The following CLASRP variants were observed in gnomAD, a reference collection of about 807,000 sequenced individuals.
The protein encoded by CLASRP is CLK4-associating serine/arginine rich protein.
Under a neutral mutation model 99.9 loss-of-function variants are expected in CLASRP, and 52 were observed. The ratio of observed to expected loss-of-function variants is 0.52; its 90% CI spans 0.42 to 0.66. The LOEUF (loss-of-function observed/expected upper bound fraction) is 0.66. Among genes scored for constraint, CLASRP ranks in the 30% least tolerant of loss-of-function variants. The pLI is 0.00. For synonymous variants in CLASRP, 379 were observed against 373.0 expected, an observed-to-expected ratio of 1.02 and a Z score of -0.18; for missense variants, 848 against 999.2, an observed-to-expected ratio of 0.85 and a Z score of 2.04.
At chr19:45,065,086 G>C (rs1192623267) in intron 13 of CLASRP, among the ~76,000 whole-genome samples, 1 of 152,074 alleles carries the variant, frequency 6.6e-6, no homozygotes, top group African/African-American at 2.4e-5. Context: ...AGCGAAGCGG[G>C]TGGAAAAAAT....
At chr19:45,061,785 T>TATCATCATC (rs553847506) in intron 10 of CLASRP, among the ~76,000 whole-genome samples, 1 of 151,362 alleles carries the variant, frequency 6.6e-6, no homozygotes, top group Non-Finnish European at 1.5e-5. Flanking sequence ...ATTTTAATCT[T>TATCATCATC]ATCATCATCA....
In CLASRP at chr19:45,064,491, C is replaced by G. The variant is rs759007428; in HGVS notation, c.1270C>G (p.Arg424Gly). The change falls in exon 13 of 21, where the codon CGC becomes GGC. Residue 424 changes from arginine (R) to glycine (G), a missense_variant. Coordinates refer to ENST00000221455, the MANE Select transcript of CLASRP (RefSeq NM_007056.3). Reference protein sequence around the residue: ...HARSRSRSWSRSRSRSRRYSR... With the variant: ...HARSRSRSWSGSRSRSRRYSR... ...CCGCTCCCGGTCCCGCTCCTGGTCC[C>G]GCTCCCGCTCCCGCTCCCGGCGCTA... 3.3e-6 allele frequency: 5 copies of G among 1,531,732 alleles called. No homozygotes were observed. In the African/African-American group the frequency reaches 6.9e-5, roughly 21 times the overall value. The allele number at this position is 1,531,732 out of a possible 1,614,324, so 94.9% of individuals were successfully genotyped here.
Position 45,062,133 on chromosome 19 carries a change from AC to A in CLASRP, c.864-17del. ...GAGATCTTAAGCCCTAATTTGTCCC[AC>A]CCCATTCTTTTCTCTGTAGCTATGC... On this transcript the variant is annotated intron_variant, in intron 10 of 20. Coordinates refer to ENST00000221455, the MANE Select transcript of CLASRP (RefSeq NM_007056.3). The A allele has an allele frequency of 2.8e-6, 4 of 1,432,128 alleles. No homozygotes were observed. The highest frequency in any genetic ancestry group is 3.9e-6 in the Non-Finnish European group (4 of 1,015,784). The allele number at this position is 1,432,128 out of a possible 1,614,324, so 88.7% of individuals were successfully genotyped here.
Position 45,062,180 on chromosome 19 carries a change from A to G in CLASRP, c.890A>G (p.Tyr297Cys), listed in dbSNP as rs1200792233. Residue 297 changes from tyrosine to cysteine, a missense_variant, in exon 11 of 21, where the codon TAT becomes TGT. This residue lies in a region of CLASRP where 489 missense variants were observed against 434.7 expected (regional missense o/e 1.12). Coordinates refer to ENST00000221455, the MANE Select transcript of CLASRP (RefSeq NM_007056.3). ...PSYARRDSPT[Y>C]DPYKRSPSES... ...TATGCCCGCCGAGACAGCCCCACCTATGACCCCTATAAGCGGTAAGTTGCT... is the reference window on the plus strand; with the variant it reads ...TATGCCCGCCGAGACAGCCCCACCTGTGACCCCTATAAGCGGTAAGTTGCT... 6.5e-7 allele frequency: 1 copy of G among 1,547,704 alleles called. No individual in the cohort carries two copies. The highest frequency in any genetic ancestry group is 8.9e-7 in the Non-Finnish European group (1 of 1,119,722).
chr19:45,057,133 A>G (rs184671108), intron 6 of CLASRP, among the ~76,000 whole-genome samples: 7 of 152,252 alleles, frequency 4.6e-5, no homozygotes, highest in Admixed American at 4.6e-4. Context: ...TCCCGCCCTC[A>G]CACACGCTAT....
chr19:45,062,278 T>C, intron 11 of CLASRP, 83 bp downstream of exon 11: 1 of 858,080 alleles, frequency 1.2e-6, no homozygotes, highest in Non-Finnish European at 2.0e-6. Flanking sequence ...GATGGGAGGT[T>C]CACCCTGCTA....
chr19:45,070,568 A>G lies in CLASRP; in HGVS notation c.1982+7A>G. ...AATACAGCTCTTCTCGAAGGTAAGG[A>G]AGCCCATGACCCTCCACTTTCTTGG... On this transcript the variant is annotated splice_region_variant and intron_variant, in intron 20 of 20. Coordinates refer to ENST00000221455, the MANE Select transcript of CLASRP (RefSeq NM_007056.3). The G allele has an allele frequency of 6.2e-7, 1 of 1,612,992 alleles. No individual in the cohort carries two copies. Among genetic ancestry groups the G allele is most frequent in the Non-Finnish European group, 8.5e-7 (1 of 1,179,050 alleles).
rs1321255427 is a variant in CLASRP, at chr19:45,057,991, G to A, written c.613+93G>A. The stretch of plus-strand genomic sequence containing the variant: ...CCTCTGTGGGGCACCCCGTGCTTAC[G>A]AACCGTGTCTCTCTCCCTACCCCGC... On this transcript the variant is annotated intron_variant, in intron 7 of 20. Transcript: ENST00000221455. 20 of 1,514,964 alleles carry A rather than the reference G, an allele frequency of 1.3e-5. No individual in the cohort carries two copies. In the East Asian group the frequency reaches 1.4e-4, roughly 11 times the overall value. 93.8% of individuals were successfully genotyped at this position (1,514,964 alleles called of 1,614,324 possible).
intron 5 of CLASRP, 72 bp from the exon 6 acceptor site, chr19:45,056,369 CCCCACCGCA>C (rs1972118648): frequency 7.9e-7 from 1 of 1,260,990 alleles, no homozygotes; most frequent in Admixed American, 1.7e-5. Flanking sequence ...TGTCTTCCTG[CCCCACCGCA>C]CCCTTGTGTT....
chr19:45,041,356 A>C (rs1347540021), intron 2 of CLASRP, among the ~76,000 whole-genome samples: 1 of 152,174 alleles, frequency 6.6e-6, no homozygotes, highest in Non-Finnish European at 1.5e-5. Context: ...CTGGCCTAAA[A>C]GACCCTTGTG....
In CLASRP at chr19:45,060,002, G is replaced by A. The variant is rs1229419637; in HGVS notation, c.711-387G>A. On this transcript the variant is annotated intron_variant, in intron 8 of 20. Coordinates refer to ENST00000221455, the MANE Select transcript of CLASRP (RefSeq NM_007056.3). This position sits in a 1 kb window ranked among gnomAD's most constrained non-coding sequence, Gnocchi z 4.6. Reference sequence around the variant, plus strand: ...ACTCTGTCTGCTGTTCGCTTTGGACGTCTGCAGCTTGCTCCCCCAGGTTTT... The same window carrying A: ...ACTCTGTCTGCTGTTCGCTTTGGACATCTGCAGCTTGCTCCCCCAGGTTTT... Among the ~76,000 whole-genome samples, 2 of 152,168 alleles carry A rather than the reference G, an allele frequency of 1.3e-5. No individual in the cohort carries two copies. The highest frequency in any genetic ancestry group is 1.3e-4 in the Admixed American group (2 of 15,278).
rs550412658 is a variant in CLASRP at position 45,044,772 on chromosome 19, GGT to G, written c.99+4463_99+4464del. Among the ~76,000 whole-genome samples, 1,456 of 152,164 alleles carry G rather than the reference GGT, an allele frequency of 9.6e-3. 6 individuals are homozygous for G. The highest frequency in any genetic ancestry group is 0.018 in the South Asian group (86 of 4,816). Reference sequence around the variant, plus strand: ...GTGAGACCCTGTCTCAAAAAAGAAAGGTGAGGTGACTTGCCCAAGGCAACACA... The same window carrying G: ...GTGAGACCCTGTCTCAAAAAAGAAAGGAGGTGACTTGCCCAAGGCAACACA... On this transcript the variant is annotated intron_variant, in intron 2 of 20. Coordinates refer to ENST00000221455, the MANE Select transcript of CLASRP (RefSeq NM_007056.3).
chr19:45,058,250 C>T (rs2045456791), intron 7 of CLASRP: 1 of 255,810 alleles, frequency 3.9e-6, no homozygotes, highest in Admixed American at 4.6e-5. Flanking sequence ...ACAGAGTCAG[C>T]CCCCATCCGC....
chr19:45,063,113 G>A (rs968777578), intron 11 of CLASRP, among the ~76,000 whole-genome samples: 1 of 152,016 alleles, frequency 6.6e-6, no homozygotes, highest in African/African-American at 2.4e-5. Flanking sequence ...GGAGTGTCAG[G>A]AATATCAGAT....
At chr19:45,041,227 C>CAA (rs397945551) in intron 2 of CLASRP, among the ~76,000 whole-genome samples, 22 of 59,862 alleles carry the variant, frequency 3.7e-4, no homozygotes, top group African/African-American at 5.6e-4. Flanking sequence ...GACTCTGTCT[C>CAA]AAAAAAAAAA....
At position 45,056,467 on chromosome 19, in the gene CLASRP, C is replaced by T; in HGVS notation, c.397C>T (p.Leu133=). The T allele has an allele frequency of 6.2e-7, 1 of 1,613,890 alleles. No individual in the cohort carries two copies. The highest frequency in any genetic ancestry group is 1.7e-5 in the Admixed American group (1 of 59,992). Residue 133 remains leucine (L), a synonymous_variant, in exon 6 of 21, where the codon CTG becomes TTG. Transcript: ENST00000221455. ...TGCTGCAGTCTCAGAGGAGCAGTGC[C>T]TGTACCAGATCTACATTGATGAGTT... ...DFAGISEEQC[L]YQIYIDELYG... is the part of the protein sequence containing the mutation.
intron 18 of CLASRP, 172 bp from the exon 19 acceptor site, chr19:45,069,850 G>A (rs936686699): frequency 8.7e-6 from 5 of 577,894 alleles, no homozygotes; most frequent in East Asian, 5.8e-5. Flanking sequence ...AGTCAGCCCC[G>A]CCAGCTGGGG....
At chr19:45,069,794 G>T (rs1470729039) in intron 18 of CLASRP, 1 of 553,192 alleles carries the variant, frequency 1.8e-6, no homozygotes, top group Non-Finnish European at 3.2e-6. Flanking sequence ...GGACTATCCT[G>T]CCTCCCTCTG....
intron 13 of CLASRP, among the ~76,000 whole-genome samples, chr19:45,065,598 C>T (rs953272916): frequency 6.6e-6 from 1 of 150,990 alleles, no homozygotes; most frequent in East Asian, 2.0e-4. Flanking sequence ...ATTTTGGAGA[C>T]GACATGGTGA....
Sources: allele counts gnomAD v4.1 joint callset (sites outside exome capture counted in the v4.1 genomes callset), GRCh38; gene constraint gnomAD v4.1.1; regional missense constraint gnomAD v4.1.1; non-coding constraint Gnocchi (gnomAD v3.1); transcripts MANE v1.5; gene names NCBI Gene and HGNC (gene_info 2026-07-23, HGNC 2026-07-21).